C4orf50: variants seen among roughly 807,000 people sequenced by gnomAD.
C4orf50 encodes chromosome 4 open reading frame 50, also known as uncharacterized protein C4orf50.
In C4orf50, 80 loss-of-function variants were observed where a neutral mutation model predicts 77.2. The observed-to-expected ratio is 1.04, with a 90% confidence interval of 0.87 to 1.25. C4orf50 has a LOEUF of 1.25. Among genes scored for constraint, C4orf50 ranks in the 50% most tolerant of loss-of-function variants. C4orf50 has a pLI of 0.00. For missense variants in C4orf50, 1,257 were observed against 1,152.9 expected (o/e 1.09, Z -1.31); for synonymous variants, 532 against 465.3 (o/e 1.14, Z -1.84).
chr4:5,947,981 C>A (rs923895439), intron 7 of C4orf50, among the ~76,000 whole-genome samples: 4 of 152,282 alleles, frequency 2.6e-5, no homozygotes, highest in Middle Eastern at 6.8e-3. Flanking sequence ...GAGGGTCTGT[C>A]CCCTATGTGC....
At chr4:6,002,399 C>T (rs538404893) in intron 25 of C4orf50, among the ~76,000 whole-genome samples, 13 of 152,282 alleles carry the variant, frequency 8.5e-5, no homozygotes, top group East Asian at 7.7e-4. Flanking sequence ...AAATGTCTGC[C>T]GTTTTAAGTC....
rs1386080125 is a variant in C4orf50 at position 6,008,680 on chromosome 4, C to A, written c.427-148G>T. 4 of 392,316 alleles carry A rather than the reference C, an allele frequency of 1.0e-5. No homozygotes were observed. The highest frequency in any genetic ancestry group is 3.6e-5 in the East Asian group (1 of 27,632). 24.3% of individuals were successfully genotyped at this position (392,316 alleles called of 1,614,324 possible). On this transcript the variant is annotated intron_variant, in intron 24 of 33. Transcript: ENST00000531445. This position sits in a 1 kb window ranked among gnomAD's most constrained non-coding sequence, Gnocchi z 6.0. Reference sequence around the variant, plus strand: ...TTGTAATAGTGCATCAAAGTATTATCTCTTTGACTGTTTTGGCATCCTCTT... The same window carrying A: ...TTGTAATAGTGCATCAAAGTATTATATCTTTGACTGTTTTGGCATCCTCTT...
intron 7 of C4orf50, among the ~76,000 whole-genome samples, chr4:5,922,870 C>T (rs1182285169): frequency 6.6e-6 from 1 of 152,202 alleles, no homozygotes. Flanking sequence ...TCCTCCCAAC[C>T]CTGTCCCATG....
chr4:5,967,190 G>T (rs1719625108), intron 32 of C4orf50, among the ~76,000 whole-genome samples: 1 of 152,204 alleles, frequency 6.6e-6, no homozygotes, highest in African/African-American at 2.4e-5. Context: ...TGAAACTCTG[G>T]CACTGAGGAA....
intron 29 of C4orf50, among the ~76,000 whole-genome samples, 156 bp from the exon 8 acceptor site, chr4:5,976,111 T>G (rs183680908): frequency 3.5e-4 from 54 of 152,254 alleles, no homozygotes; most frequent in Non-Finnish European, 7.4e-4. Flanking sequence ...TCCCACCACC[T>G]GCCTGGCAGG....
intron 25 of C4orf50, among the ~76,000 whole-genome samples, chr4:5,997,999 A>G (rs1046862383): frequency 2.0e-5 from 3 of 152,356 alleles, no homozygotes; most frequent in African/African-American, 7.2e-5. Context: ...GCTGAGATAA[A>G]CATGACTGTA....
intron 7 of C4orf50, among the ~76,000 whole-genome samples, chr4:5,942,495 C>T (rs1718310064): frequency 6.6e-6 from 1 of 152,158 alleles, no homozygotes; most frequent in Non-Finnish European, 1.5e-5. Flanking sequence ...TTGGAAAATG[C>T]CCAGCACAAA....
chr4:5,964,494 G>A (rs1402379013), intron 33 of C4orf50, among the ~76,000 whole-genome samples: 2 of 152,084 alleles, frequency 1.3e-5, no homozygotes, highest in African/African-American at 2.4e-5. Context: ...GACCAGCTGG[G>A]TATGGTGGCT....
chr4:5,923,153 C>T (rs1236622825), intron 7 of C4orf50: 1 of 154,270 alleles, frequency 6.5e-6, no homozygotes, highest in Non-Finnish European at 1.5e-5. Flanking sequence ...ACTTAATTAT[C>T]TCAGCAACAA....
intron 7 of C4orf50, among the ~76,000 whole-genome samples, chr4:5,913,784 C>T (rs1387667310): frequency 6.6e-6 from 1 of 152,214 alleles, no homozygotes; most frequent in East Asian, 1.9e-4. Context: ...GGCTTTCTCG[C>T]TGCATTGTCT....
chr4:5,966,792 A>G (rs73212615), intron 32 of C4orf50, among the ~76,000 whole-genome samples: 102,316 of 151,180 alleles, frequency 0.68, 35,458 homozygotes, highest in African/African-American at 0.75. Flanking sequence ...TGGGACTACA[A>G]GCATGCGCCA....
chr4:5,976,459 A>G (rs1269906090), intron 29 of C4orf50, among the ~76,000 whole-genome samples: 93 of 38,140 alleles, frequency 2.4e-3, no homozygotes, highest in Non-Finnish European at 5.4e-3. Context: ...CTGTCTCGGA[A>G]AAAAAAAAAA....
chr4:5,906,413 G>C (rs1716552459), intron 7 of C4orf50, among the ~76,000 whole-genome samples: 1 of 152,174 alleles, frequency 6.6e-6, no homozygotes, highest in Non-Finnish European at 1.5e-5. Flanking sequence ...AGAAGTATGG[G>C]AGAATACAGG....
chr4:5,963,000 CT>C (rs370272649), intron 33 of C4orf50, among the ~76,000 whole-genome samples: 248 of 146,036 alleles, frequency 1.7e-3, no homozygotes, highest in African/African-American at 4.7e-3. Context: ...TTTTTCTTTT[CT>C]TTTTTTTTTT....
intron 7 of C4orf50, chr4:5,899,726 G>A (rs147081448): frequency 6.6e-6 from 1 of 152,312 alleles, no homozygotes; most frequent in African/African-American, 2.4e-5. Context: ...TATTCCCATG[G>A]TTCTCCCCCA....
In C4orf50 at chr4:5,972,621, T is replaced by C. The variant is rs551151080; in HGVS notation, c.4104+1038A>G. 5.9e-5 allele frequency among the ~76,000 whole-genome samples: 9 copies of C among 152,218 alleles called. No individual in the cohort carries two copies. In the South Asian group the frequency reaches 6.2e-4, roughly 11 times the overall value. On this transcript the variant is annotated intron_variant, in intron 31 of 33. Coordinates refer to ENST00000531445, the Ensembl canonical transcript of C4orf50. ...GAGGAAAAGGAAGGGTCAGAGGAGG[T>C]TGGCCTTGCAGAGACCAGGCTGGGC... is the stretch of plus-strand genomic sequence containing the variant.
intron 32 of C4orf50, among the ~76,000 whole-genome samples, chr4:5,966,667 T>C (rs1210108690): frequency 6.6e-6 from 1 of 151,578 alleles, no homozygotes; most frequent in Admixed American, 6.6e-5. Context: ...AGGTTTTTTT[T>C]TTTTTCGGAG....
At chr4:5,921,963 T>G (rs1038750981) in intron 7 of C4orf50, among the ~76,000 whole-genome samples, 1 of 151,944 alleles carries the variant, frequency 6.6e-6, no homozygotes, top group East Asian at 1.9e-4. Flanking sequence ...CTGATCCCAT[T>G]TGGAAAAAAG....
At chr4:5,967,936 C>T (rs947898541) in intron 31 of C4orf50, among the ~76,000 whole-genome samples, 1 of 152,168 alleles carries the variant, frequency 6.6e-6, no homozygotes, top group African/African-American at 2.4e-5. Context: ...AGTGAGATGG[C>T]AATGATCACT....
Sources: gnomAD v4.1 joint callset for allele counts (sites outside exome capture counted in the v4.1 genomes callset) on GRCh38, gnomAD v4.1.1 for gene constraint, Gnocchi (gnomAD v3.1) non-coding constraint, MANE v1.5 for transcripts, NCBI Gene and HGNC (gene_info 2026-07-23, HGNC 2026-07-21) for gene names.